The following VGLL3 variants were observed in gnomAD, a reference collection of about 807,000 sequenced individuals.
VGLL3 encodes the protein transcription cofactor vestigial-like protein 3.
A neutral mutation model predicts 29.2 loss-of-function variants in VGLL3; 18 were observed. The ratio of observed to expected loss-of-function variants is 0.62; its 90% CI spans 0.43 to 0.91. The LOEUF (loss-of-function observed/expected upper bound fraction) is 0.91. VGLL3 is among the 40% of genes least tolerant of loss of function. The pLI is 0.00. For missense variants in VGLL3, 440 were observed against 413.2 expected (o/e 1.06, Z -0.56); for synonymous variants, 180 against 151.8 (o/e 1.19, Z -1.36).
chr3:86,952,499 T>C (rs1040225997), intron 3 of VGLL3, among the ~76,000 whole-genome samples: 3 of 152,128 alleles, frequency 2.0e-5, no homozygotes, highest in Admixed American at 1.3e-4. Flanking sequence ...ATGGGAAACA[T>C]GCTGTTGATT....
At chr3:86,976,535 A>G (rs762608335) in intron 2 of VGLL3, among the ~76,000 whole-genome samples, 1 of 152,212 alleles carries the variant, frequency 6.6e-6, no homozygotes, top group Non-Finnish European at 1.5e-5. Flanking sequence ...TTGAAGATCA[A>G]ATTTAAGATA....
At chr3:86,951,390 G>T (rs1704614457) in intron 3 of VGLL3, among the ~76,000 whole-genome samples, 1 of 152,116 alleles carries the variant, frequency 6.6e-6, no homozygotes, top group African/African-American at 2.4e-5. Context: ...ATCTCTCTCA[G>T]ATCTCTTTTA....
At chr3:86,985,793 G>A (rs929230702) in intron 1 of VGLL3, among the ~76,000 whole-genome samples, 15 of 152,066 alleles carry the variant, frequency 9.9e-5, no homozygotes, top group African/African-American at 3.4e-4. Flanking sequence ...TTTTCTTGGA[G>A]GTAATACCCT....
chr3:86,972,756 T>C (rs1023606866), intron 2 of VGLL3, among the ~76,000 whole-genome samples: 2 of 152,184 alleles, frequency 1.3e-5, no homozygotes, highest in African/African-American at 4.8e-5. Context: ...CAATATTACC[T>C]GGTATACAGG....
At chr3:86,979,147 A>G (rs1705272933) in intron 1 of VGLL3, among the ~76,000 whole-genome samples, 1 of 152,250 alleles carries the variant, frequency 6.6e-6, no homozygotes, top group Non-Finnish European at 1.5e-5. Context: ...TACTTTTTTA[A>G]AAAGTTTTTC....
intron 2 of VGLL3, among the ~76,000 whole-genome samples, chr3:86,973,853 T>A (rs1176259356): frequency 3.3e-5 from 5 of 152,202 alleles, no homozygotes; most frequent in Non-Finnish European, 7.3e-5. Context: ...GCAACTGCAA[T>A]ATCAGTAAGA....
chr3:86,957,060 A>G (rs532295872), intron 3 of VGLL3, among the ~76,000 whole-genome samples: 13 of 152,184 alleles, frequency 8.5e-5, no homozygotes, highest in African/African-American at 2.9e-4. Flanking sequence ...TAAATATCTC[A>G]ACAATACGTA....
intron 3 of VGLL3, among the ~76,000 whole-genome samples, chr3:86,948,127 T>C (rs951008543): frequency 6.6e-6 from 1 of 152,206 alleles, no homozygotes; most frequent in Non-Finnish European, 1.5e-5. Flanking sequence ...ACCTGAAGTA[T>C]AATTGTTTGG....
chr3:86,980,156 G>A (rs1387599181), intron 1 of VGLL3, among the ~76,000 whole-genome samples: 12 of 144,462 alleles, frequency 8.3e-5, no homozygotes, highest in Admixed American at 2.9e-4. Flanking sequence ...TGAAAAAAAC[G>A]CATGCTGGAA....
chr3:86,976,736 G>C (rs1705217919), intron 2 of VGLL3, among the ~76,000 whole-genome samples: 1 of 152,098 alleles, frequency 6.6e-6, no homozygotes, highest in African/African-American at 2.4e-5. Flanking sequence ...TGATTCTATA[G>C]ACAATCACTC....
At position 86,978,434 on chromosome 3, in the gene VGLL3, A is replaced by G. The variant is rs1575876978; in HGVS notation, c.403+92T>C. 7.1e-6 allele frequency: 10 copies of G among 1,407,794 alleles called. No individual in the cohort carries two copies. In the East Asian group the frequency reaches 1.4e-4, roughly 19 times the overall value. The allele number at this position is 1,407,794 out of a possible 1,614,324, so 87.2% of individuals were successfully genotyped here. A position where few individuals can be genotyped will look rare whatever the true frequency, so the allele number is the denominator to read the frequency against. On this transcript the variant is annotated intron_variant, in intron 2 of 3. Transcript: ENST00000398399. The stretch of plus-strand genomic sequence containing the variant: ...AATATTAAAAAGCAAGTGGATATCC[A>G]TCCTCAGGGGCAAGTCTCCAGCTGG...
At chr3:86,982,839 T>C (rs1468512692) in intron 1 of VGLL3, among the ~76,000 whole-genome samples, 4 of 152,222 alleles carry the variant, frequency 2.6e-5, no homozygotes, top group African/African-American at 9.7e-5. Context: ...TACATAGTTA[T>C]GACAATTTTT....
intron 2 of VGLL3, among the ~76,000 whole-genome samples, chr3:86,977,518 T>C (rs75999802): frequency 3.5e-4 from 53 of 152,290 alleles, no homozygotes; most frequent in African/African-American, 1.2e-3. Context: ...TCTAGTTCAA[T>C]AGATTCGAGA....
At position 86,991,120 on chromosome 3, in the gene VGLL3, G is replaced by T. The variant is rs1191191023; in HGVS notation, c.-377C>A. The T allele has an allele frequency of 3.2e-5, 6 of 187,766 alleles. No homozygotes were observed. The South Asian group carries it at 9.0e-4, about 28-fold the overall frequency. The allele number at this position is 187,766 out of a possible 1,614,324, so 11.6% of individuals were successfully genotyped here. The stretch of plus-strand genomic sequence containing the variant: ...CAGCCCAGGCCCGGGTCGGGCAGCC[G>T]TGGGGAGCCCAGCTCCGGTTTGCAT... On this transcript the variant is annotated 5_prime_UTR_variant, in exon 1 of 4. Coordinates refer to ENST00000398399, the MANE Select transcript of VGLL3 (RefSeq NM_016206.4).
intron 2 of VGLL3, among the ~76,000 whole-genome samples, chr3:86,972,496 A>T (rs1705123819): frequency 6.6e-6 from 1 of 152,192 alleles, no homozygotes; most frequent in Non-Finnish European, 1.5e-5. Flanking sequence ...AAGAAAAAAA[A>T]GTCTTGATGC....
intron 2 of VGLL3, 78 bp downstream of exon 2, chr3:86,978,448 G>A: frequency 6.0e-6 from 9 of 1,498,378 alleles, no homozygotes; most frequent in Non-Finnish European, 8.1e-6. Context: ...TCAGGGGCAA[G>A]TCTCCAGCTG....
intron 1 of VGLL3, among the ~76,000 whole-genome samples, chr3:86,983,964 G>A (rs1474118334): frequency 6.6e-6 from 1 of 152,086 alleles, no homozygotes; most frequent in Non-Finnish European, 1.5e-5. Context: ...TGTTTACAAA[G>A]CATGTACCCA....
intron 1 of VGLL3, among the ~76,000 whole-genome samples, chr3:86,988,155 T>C (rs554716928): frequency 2.0e-5 from 3 of 152,186 alleles, no homozygotes; most frequent in Non-Finnish European, 4.4e-5. Context: ...AATATAAAAC[T>C]TTAATGCTGT....
chr3:86,969,795 A>G (rs1217177514), intron 2 of VGLL3, among the ~76,000 whole-genome samples: 2 of 151,964 alleles, frequency 1.3e-5, no homozygotes, highest in Non-Finnish European at 2.9e-5. Flanking sequence ...CAAATGCCCA[A>G]CATTTTTCCA....
Sources: allele counts gnomAD v4.1 joint callset (sites outside exome capture counted in the v4.1 genomes callset), GRCh38; gene constraint gnomAD v4.1.1; transcripts MANE v1.5; gene names NCBI Gene and HGNC (gene_info 2026-07-23, HGNC 2026-07-21).